Variants in COBLL1 observed in about 807,000 individuals in gnomAD.
COBLL1 encodes cordon-bleu WH2 repeat protein like 1, also known as cordon-bleu protein-like 1.
In COBLL1, 50 loss-of-function variants were observed where a neutral mutation model predicts 94.8. The observed-to-expected ratio is 0.53, with a 90% confidence interval of 0.42 to 0.67. The LOEUF is 0.67. Ranked by LOEUF, COBLL1 falls within the 30% of genes least tolerant of loss-of-function variation. The pLI is 0.00. For synonymous variants in COBLL1, 448 were observed against 473.8 expected (o/e 0.95, Z 0.71); for missense variants, 1,362 against 1,348.7 (o/e 1.01, Z -0.15).
chr2:164,694,569 C>A lies in COBLL1; in HGVS notation c.2823G>T (p.Gln941His), dbSNP rs1683799925. Residue 941 changes from glutamine (Q) to histidine (H), a missense_variant, in exon 12 of 14, where the codon CAG becomes CAT. Transcript: ENST00000652658. ...VEKTDDDVIGQAPAEASPPPI... is the reference protein window; with the variant it reads ...VEKTDDDVIGHAPAEASPPPI... ...GAGGAGGGGAGGCTTCAGCAGGAGC[C>A]TGACCGATGACATCATCATCAGTTT... 5.0e-6 allele frequency: 8 copies of A among 1,613,936 alleles called. No homozygotes were observed. The East Asian group carries it at 1.8e-4, about 36-fold the overall frequency.
intron 1 of COBLL1, among the ~76,000 whole-genome samples, chr2:164,671,921 T>C (rs541699336): frequency 2.0e-5 from 3 of 152,200 alleles, no homozygotes; most frequent in Non-Finnish European, 4.4e-5. Flanking sequence ...TGTGTGCTCA[T>C]GCAATTTTCT....
chr2:164,787,709 A>G (rs1682936245), intron 2 of COBLL1, among the ~76,000 whole-genome samples: 1 of 152,100 alleles, frequency 6.6e-6, no homozygotes, highest in Non-Finnish European at 1.5e-5. Context: ...AAGAAACACC[A>G]GGGCTACACT....
At chr2:164,679,813 C>A (rs1361293842), downstream of COBLL1, among the ~76,000 whole-genome samples, 1 of 151,816 alleles carries the variant, frequency 6.6e-6, no homozygotes, top group Non-Finnish European at 1.5e-5. Flanking sequence ...GGAGGGATAT[C>A]ATTAAGAGAA....
chr2:164,677,982 C>T (rs1044577395), downstream of COBLL1, among the ~76,000 whole-genome samples: 4 of 152,108 alleles, frequency 2.6e-5, no homozygotes, highest in Non-Finnish European at 5.9e-5. Flanking sequence ...TTGTTATCTC[C>T]TTGTGGTCTT....
At chr2:164,677,192 C>T (rs1429552324), downstream of COBLL1, among the ~76,000 whole-genome samples, 4 of 152,144 alleles carry the variant, frequency 2.6e-5, no homozygotes, top group Admixed American at 6.6e-5. Context: ...TTGTCCTTGA[C>T]ATTTGCTTAC....
At chr2:164,796,082 A>G (rs1272707767) in intron 2 of COBLL1, among the ~76,000 whole-genome samples, 4 of 152,164 alleles carry the variant, frequency 2.6e-5, no homozygotes, top group African/African-American at 9.7e-5. Context: ...TTGCTTTTCC[A>G]TATACAAGGA....
At chr2:164,781,655 G>C (rs966362514) in intron 2 of COBLL1, among the ~76,000 whole-genome samples, 1 of 152,140 alleles carries the variant, frequency 6.6e-6, no homozygotes, top group African/African-American at 2.4e-5. Flanking sequence ...CTTGAACCTA[G>C]GCAGTCTGAC....
At chr2:164,758,355 A>G (rs1352594226) in intron 2 of COBLL1, among the ~76,000 whole-genome samples, 3 of 152,044 alleles carry the variant, frequency 2.0e-5, no homozygotes, top group Non-Finnish European at 4.4e-5. Flanking sequence ...ATCCCCTAAC[A>G]AATACTACCC....
intron 2 of COBLL1, among the ~76,000 whole-genome samples, chr2:164,789,684 G>A (rs573477373): frequency 1.3e-5 from 2 of 152,068 alleles, no homozygotes; most frequent in Non-Finnish European, 2.9e-5. Context: ...TGAGATTTAA[G>A]GACTACTTAA....
At position 164,704,534 on chromosome 2, in the gene COBLL1, A is replaced by G; in HGVS notation, c.1151-16T>C. ...GGCTGTAAGGCTAAAGGAAAGAAGCAACACAACTTATAAAGTCATATTCAC... is the reference window on the plus strand; with the variant it reads ...GGCTGTAAGGCTAAAGGAAAGAAGCGACACAACTTATAAAGTCATATTCAC... On this transcript the variant is annotated splice_polypyrimidine_tract_variant and intron_variant, in intron 8 of 13. Coordinates refer to ENST00000652658, the MANE Select transcript of COBLL1 (RefSeq NM_001365672.2). 6.3e-7 allele frequency: 1 copy of G among 1,585,370 alleles called. No individual in the cohort carries two copies. Among genetic ancestry groups the G allele is most frequent in the Non-Finnish European group, 8.7e-7 (1 of 1,154,040 alleles).
chr2:164,708,331 A>ATCTGAC (rs11275963), intron 7 of COBLL1, among the ~76,000 whole-genome samples: 17,726 of 152,122 alleles, frequency 0.12, 2,099 homozygotes, highest in African/African-American at 0.31. Flanking sequence ...TTCTGACTAA[A>ATCTGAC]TATTATGATC....
chr2:164,788,111 C>A (rs1248118432), intron 2 of COBLL1, among the ~76,000 whole-genome samples: 1 of 152,022 alleles, frequency 6.6e-6, no homozygotes, highest in Admixed American at 6.6e-5. Context: ...ACTGATTGGC[C>A]TAAACCAAGT....
chr2:164,810,458 A>G (rs1304328819), intron 2 of COBLL1, among the ~76,000 whole-genome samples: 1 of 151,716 alleles, frequency 6.6e-6, no homozygotes, highest in African/African-American at 2.4e-5. Flanking sequence ...TAATATAGAT[A>G]TTAAAATGTT....
chr2:164,671,694 T>C (rs1691243795), intron 1 of COBLL1, among the ~76,000 whole-genome samples: 3 of 152,048 alleles, frequency 2.0e-5, no homozygotes, highest in African/African-American at 7.2e-5. Flanking sequence ...ATTTAGACAA[T>C]GGAATCGGTT....
chr2:164,702,267 A>G (rs1420784402), intron 9 of COBLL1, among the ~76,000 whole-genome samples: 1 of 152,110 alleles, frequency 6.6e-6, no homozygotes, highest in Non-Finnish European at 1.5e-5. Flanking sequence ...GTATTTATAT[A>G]ATTTGAAAAC....
At position 164,727,965 on chromosome 2, in the gene COBLL1, T is replaced by G; in HGVS notation, c.661+4A>C. The G allele has an allele frequency of 1.3e-6, 2 of 1,566,888 alleles. No homozygotes were observed. The highest frequency in any genetic ancestry group is 1.8e-6 in the Non-Finnish European group (2 of 1,138,392). ...TAAATAAATAAAATAAAAGTCTTAC[T>G]TACCTCTGTTGACATCCATCGCATA... On this transcript the variant is annotated splice_donor_region_variant and intron_variant, in intron 5 of 13. Transcript: ENST00000652658.
intron 2 of COBLL1, among the ~76,000 whole-genome samples, chr2:164,837,681 T>C (rs1683381441): frequency 7.0e-6 from 1 of 143,620 alleles, no homozygotes; most frequent in Admixed American, 6.7e-5. Context: ...ATAGTATACA[T>C]AAAATATGTA....
chr2:164,733,871 AT>A (rs11326630), intron 3 of COBLL1, among the ~76,000 whole-genome samples: 67,617 of 151,960 alleles, frequency 0.44, 15,175 homozygotes, highest in African/African-American at 0.51. Flanking sequence ...CCCAAACCAA[AT>A]TTTTTATTCA....
intron 3 of COBLL1, among the ~76,000 whole-genome samples, chr2:164,739,735 T>C (rs1014064176): frequency 1.3e-5 from 2 of 152,244 alleles, no homozygotes; most frequent in Non-Finnish European, 2.9e-5. Flanking sequence ...ATTTTTCATA[T>C]TCCTTTTATA....
Sources: gnomAD v4.1 joint callset for allele counts (sites outside exome capture counted in the v4.1 genomes callset) on GRCh38, gnomAD v4.1.1 for gene constraint, MANE v1.5 for transcripts, NCBI Gene and HGNC (gene_info 2026-07-23, HGNC 2026-07-21) for gene names.